NUFIP1: variants seen among roughly 807,000 people sequenced by gnomAD.
NUFIP1 encodes FMR1-interacting protein NUFIP1.
In NUFIP1, 38 loss-of-function variants were observed where a neutral mutation model predicts 56.2. That is an observed-to-expected ratio of 0.68 (90% CI 0.52 to 0.89). NUFIP1 has a LOEUF of 0.89. Among genes scored for constraint, NUFIP1 ranks in the 40% least tolerant of loss-of-function variants. The pLI is 0.00. For synonymous variants in NUFIP1, 215 were observed against 212.4 expected, an observed-to-expected ratio of 1.01 and a Z score of -0.10; for missense variants, 567 against 605.8, an observed-to-expected ratio of 0.94 and a Z score of 0.67.
chr13:44,984,946 G>C (rs990744683), intron 1 of NUFIP1, among the ~76,000 whole-genome samples: 1 of 152,270 alleles, frequency 6.6e-6, no homozygotes, highest in African/African-American at 2.4e-5. Flanking sequence ...ATCTATGAGA[G>C]AGAACATGTG....
At position 44,982,091 on chromosome 13, in the gene NUFIP1, C is replaced by G; in HGVS notation, c.476G>C (p.Ser159Thr). The stretch of plus-strand genomic sequence containing the variant: ...AAATACCTTTTTTTTCTGTTTTCTA[C>G]TGGGAGGTAAGCTGAAGTCTGTGAA... Reference protein sequence around the residue: ...AKFTDFSLPPSRKQKKKKRKE... With the variant: ...AKFTDFSLPPTRKQKKKKRKE... The change falls in exon 2 of 10, where the codon AGT (serine) becomes ACT (threonine). Residue 159 changes from serine to threonine, a missense_variant. Transcript: ENST00000379161. 2 of 1,505,286 alleles carry G rather than the reference C, an allele frequency of 1.3e-6. No homozygotes were observed. The highest frequency in any genetic ancestry group is 2.4e-5 in the East Asian group (1 of 41,182). 93.2% of individuals were successfully genotyped at this position (1,505,286 alleles called of 1,614,324 possible). A position where few individuals can be genotyped will look rare whatever the true frequency, so the allele number is the denominator to read the frequency against.
At chr13:44,948,660 T>A (rs995198983) in intron 8 of NUFIP1, among the ~76,000 whole-genome samples, 1 of 152,172 alleles carries the variant, frequency 6.6e-6, no homozygotes, top group African/African-American at 2.4e-5. Flanking sequence ...GCTGGATTAT[T>A]GATATAAACC....
intron 5 of NUFIP1, among the ~76,000 whole-genome samples, chr13:44,970,343 C>A (rs1871758988): frequency 6.6e-6 from 1 of 152,104 alleles, no homozygotes; most frequent in African/African-American, 2.4e-5. Context: ...GAAGTAAGGA[C>A]AAAGATGTAC....
chr13:44,959,987 A>C (rs1186224866), intron 6 of NUFIP1, among the ~76,000 whole-genome samples: 1 of 149,566 alleles, frequency 6.7e-6, no homozygotes, highest in Admixed American at 6.7e-5. Context: ...GCTGGAGTGC[A>C]GTAGCATGAT....
At chr13:44,986,143 A>T (rs1432987136) in intron 1 of NUFIP1, among the ~76,000 whole-genome samples, 1 of 152,184 alleles carries the variant, frequency 6.6e-6, no homozygotes, top group Admixed American at 6.5e-5. Flanking sequence ...AAAGAAATCC[A>T]CAGTGATTCA....
chr13:44,951,926 G>C (rs1274291402), intron 7 of NUFIP1, among the ~76,000 whole-genome samples: 1 of 152,212 alleles, frequency 6.6e-6, no homozygotes, highest in Non-Finnish European at 1.5e-5. Flanking sequence ...GCTGCTGACT[G>C]ATCAGGGTTG....
chr13:44,957,619 T>G (rs373610243), intron 7 of NUFIP1, among the ~76,000 whole-genome samples: 1 of 152,196 alleles, frequency 6.6e-6, no homozygotes, highest in Non-Finnish European at 1.5e-5. Context: ...TACTGAGGAC[T>G]AAGACAAGCT....
chr13:44,975,003 T>C (rs1370043156), intron 5 of NUFIP1, among the ~76,000 whole-genome samples: 2 of 152,146 alleles, frequency 1.3e-5, no homozygotes, highest in Non-Finnish European at 2.9e-5. Context: ...TTAGTTTTTG[T>C]TTTATTTGAC....
intron 7 of NUFIP1, among the ~76,000 whole-genome samples, chr13:44,951,515 T>C (rs926370105): frequency 2.6e-5 from 4 of 152,238 alleles, no homozygotes; most frequent in Non-Finnish European, 5.9e-5. Context: ...CAAAGTCTTC[T>C]TAAAATGAAG....
intron 2 of NUFIP1, among the ~76,000 whole-genome samples, chr13:44,981,810 TA>T (rs577693150): frequency 1.3e-5 from 2 of 150,500 alleles, no homozygotes; most frequent in East Asian, 1.9e-4. Context: ...AAACTCCATC[TA>T]AAAAAAAATA....
chr13:44,946,632 TCCAGAA>T (rs1266912079), intron 8 of NUFIP1, among the ~76,000 whole-genome samples: 15 of 152,330 alleles, frequency 9.8e-5, no homozygotes, highest in African/African-American at 3.6e-4. Context: ...TAAATATCTT[TCCAGAA>T]AAATGCTATC....
rs577112740 is a variant in NUFIP1, at chr13:44,956,016, G to A, written c.1021+3365C>T. On this transcript the variant is annotated intron_variant, in intron 7 of 9. Transcript: ENST00000379161. ...AAATTAGCCGGGCGAGGTGGCGGGC[G>A]CCTGTAGTCCCAGCTACTCGGGAGG... Among the ~76,000 whole-genome samples, 12 of 151,622 alleles carry A rather than the reference G, an allele frequency of 7.9e-5. No homozygotes were observed. The East Asian group carries it at 1.4e-3, about 17-fold the overall frequency.
chr13:44,963,660 T>C (rs1364256512), intron 6 of NUFIP1, among the ~76,000 whole-genome samples: 3 of 152,250 alleles, frequency 2.0e-5, no homozygotes, highest in African/African-American at 7.2e-5. Flanking sequence ...TTCACTTTGT[T>C]AATGTGATAA....
chr13:44,958,303 A>G (rs1347776975), intron 7 of NUFIP1, among the ~76,000 whole-genome samples: 2 of 152,202 alleles, frequency 1.3e-5, no homozygotes, highest in African/African-American at 4.8e-5. Context: ...AAACATACTT[A>G]GTCTCTATGT....
rs541083370 is a variant in NUFIP1 at position 44,979,759 on chromosome 13, T to C, written c.657+131A>G. 20 of 582,874 alleles carry C rather than the reference T, an allele frequency of 3.4e-5. No individual in the cohort carries two copies. In the South Asian group the frequency reaches 5.3e-4, roughly 15 times the overall value. The allele number at this position is 582,874 out of a possible 1,614,324, so 36.1% of individuals were successfully genotyped here. A position where few individuals can be genotyped will look rare whatever the true frequency, so the allele number is the denominator to read the frequency against. On this transcript the variant is annotated intron_variant, in intron 4 of 9. Coordinates refer to ENST00000379161, the MANE Select transcript of NUFIP1 (RefSeq NM_012345.3). ...GTTTGTGAGGAAAAAGTTGAATAAA[T>C]GATGTCAAAATCCTTACAAAGTACT...
chr13:44,982,023 C>T, intron 2 of NUFIP1, 49 bp downstream of exon 2: 1 of 963,848 alleles, frequency 1.0e-6, no homozygotes, highest in South Asian at 2.6e-5. Context: ...AGATATGAAA[C>T]AGTAACATAG....
intron 5 of NUFIP1, among the ~76,000 whole-genome samples, chr13:44,967,018 T>C (rs1230425955): frequency 6.6e-6 from 1 of 151,238 alleles, no homozygotes; most frequent in African/African-American, 2.4e-5. Context: ...ATAAAAAATA[T>C]ACTGTCTACC....
chr13:44,957,908 T>C (rs1350927562), intron 7 of NUFIP1, among the ~76,000 whole-genome samples: 1 of 152,206 alleles, frequency 6.6e-6, no homozygotes, highest in Non-Finnish European at 1.5e-5. Flanking sequence ...TTAAGTGTTT[T>C]AATGACATAA....
chr13:44,964,125 T>A (rs926697635), intron 6 of NUFIP1, among the ~76,000 whole-genome samples: 2 of 152,108 alleles, frequency 1.3e-5, no homozygotes, highest in Non-Finnish European at 2.9e-5. Context: ...CACAAAGCAA[T>A]AAATCTTCTA....
Sources: gnomAD v4.1 joint callset for allele counts (sites outside exome capture counted in the v4.1 genomes callset) on GRCh38, gnomAD v4.1.1 for gene constraint, MANE v1.5 for transcripts, NCBI Gene and HGNC (gene_info 2026-07-23, HGNC 2026-07-21) for gene names.